The following RNF180 variants were observed in gnomAD, a reference collection of about 807,000 sequenced individuals.
The protein encoded by RNF180 is ring finger protein 180, also known as E3 ubiquitin-protein ligase RNF180.
Under a neutral mutation model 59.2 loss-of-function variants are expected in RNF180, and 38 were observed. That is an observed-to-expected ratio of 0.64 (90% confidence interval 0.50 to 0.84). RNF180 has a LOEUF of 0.84. RNF180 is among the 40% of genes least tolerant of loss of function. The probability of loss-of-function intolerance (pLI) is 0.00; values close to 1 mark genes in which losing one functional copy is unlikely to be tolerated. For missense variants in RNF180, 705 were observed against 700.9 expected, an observed-to-expected ratio of 1.01 and a Z score of -0.07; for synonymous variants, 262 against 240.3, an observed-to-expected ratio of 1.09 and a Z score of -0.84.
At chr5:64,301,717 G>A (rs1446788301) in intron 5 of RNF180, among the ~76,000 whole-genome samples, 1 of 151,602 alleles carries the variant, frequency 6.6e-6, no homozygotes. Context: ...GTGTGTGTGT[G>A]TGTGTGTATA....
intron 6 of RNF180, among the ~76,000 whole-genome samples, chr5:64,326,090 C>T (rs919257775): frequency 1.3e-5 from 2 of 151,974 alleles, no homozygotes; most frequent in East Asian, 1.9e-4. Flanking sequence ...TCCTCTCAGC[C>T]ATAAAGGAGC....
intron 5 of RNF180, among the ~76,000 whole-genome samples, chr5:64,314,809 G>C (rs981320223): frequency 1.3e-5 from 2 of 152,046 alleles, no homozygotes; most frequent in Non-Finnish European, 2.9e-5. Flanking sequence ...ACTTGTTTTA[G>C]TTGAATTATG....
intron 5 of RNF180, among the ~76,000 whole-genome samples, chr5:64,235,081 A>G (rs1027831412): frequency 6.6e-6 from 1 of 152,198 alleles, no homozygotes; most frequent in African/African-American, 2.4e-5. Flanking sequence ...GTTTGAGACC[A>G]GCCCTGGCCA....
intron 7 of RNF180, among the ~76,000 whole-genome samples, chr5:64,346,039 A>G (rs1745539845): frequency 6.6e-6 from 1 of 152,140 alleles, no homozygotes; most frequent in African/African-American, 2.4e-5. Flanking sequence ...TTTCAAATCA[A>G]TCAAATGAGC....
chr5:64,251,622 T>C (rs1486807808), intron 5 of RNF180, among the ~76,000 whole-genome samples: 1 of 152,070 alleles, frequency 6.6e-6, no homozygotes, highest in African/African-American at 2.4e-5. Context: ...AGGCATAGGA[T>C]ACTGTGTTAC....
intron 7 of RNF180, among the ~76,000 whole-genome samples, chr5:64,353,005 C>G (rs1239429485): frequency 6.6e-6 from 1 of 151,770 alleles, no homozygotes; most frequent in Non-Finnish European, 1.5e-5. Context: ...GTCTGTTCCA[C>G]AACCTAAATA....
intron 5 of RNF180, among the ~76,000 whole-genome samples, chr5:64,249,493 G>A (rs1051484686): frequency 2.0e-5 from 3 of 152,078 alleles, no homozygotes; most frequent in African/African-American, 4.8e-5. Context: ...GAGAGAGGAG[G>A]CTTTCCCAGA....
chr5:64,257,377 A>T (rs571853179), intron 5 of RNF180, among the ~76,000 whole-genome samples: 3 of 152,214 alleles, frequency 2.0e-5, no homozygotes, highest in East Asian at 1.9e-4. Context: ...GATATGTTCC[A>T]TCAATACATA....
intron 7 of RNF180, among the ~76,000 whole-genome samples, chr5:64,340,450 G>A (rs1745313050): frequency 1.3e-5 from 2 of 152,282 alleles, no homozygotes; most frequent in Non-Finnish European, 2.9e-5. Flanking sequence ...GTTTAAACAT[G>A]CTCAGTATAA....
chr5:64,291,008 C>T (rs1170407019), intron 5 of RNF180, among the ~76,000 whole-genome samples: 4 of 152,186 alleles, frequency 2.6e-5, no homozygotes, highest in Non-Finnish European at 5.9e-5. Flanking sequence ...CCTTCAGGAG[C>T]TCTTGCAAGG....
intron 7 of RNF180, among the ~76,000 whole-genome samples, chr5:64,353,950 C>T (rs1016726473): frequency 6.6e-6 from 1 of 150,984 alleles, no homozygotes; most frequent in Admixed American, 6.6e-5. Flanking sequence ...TATGGCATAC[C>T]GAAAATTTAC....
At chr5:64,244,336 G>T (rs1743014319) in intron 5 of RNF180, among the ~76,000 whole-genome samples, 1 of 151,668 alleles carries the variant, frequency 6.6e-6, no homozygotes, top group African/African-American at 2.4e-5. Context: ...AGGAAGCTAA[G>T]AACCTTGAAA....
At chr5:64,255,223 C>CT (rs1743862426) in intron 5 of RNF180, among the ~76,000 whole-genome samples, 1 of 152,034 alleles carries the variant, frequency 6.6e-6, no homozygotes, top group Admixed American at 6.6e-5. Context: ...TATTATTATA[C>CT]TTTAAGTTCT....
chr5:64,290,982 T>C (rs1262594577), intron 5 of RNF180, among the ~76,000 whole-genome samples: 1 of 152,246 alleles, frequency 6.6e-6, no homozygotes, highest in Non-Finnish European at 1.5e-5. Flanking sequence ...AGTTTTTCTT[T>C]CCACATTTAG....
chr5:64,219,293 C>T (rs1212469498), intron 5 of RNF180, among the ~76,000 whole-genome samples: 2 of 151,890 alleles, frequency 1.3e-5, no homozygotes, highest in Admixed American at 1.3e-4. Context: ...TCTTGCATTC[C>T]CGCCATAAAC....
At chr5:64,340,439 A>T (rs2112562101) in intron 7 of RNF180, among the ~76,000 whole-genome samples, 1 of 152,320 alleles carries the variant, frequency 6.6e-6, no homozygotes, top group Admixed American at 6.5e-5. Flanking sequence ...TGGTGCTGCA[A>T]GTTTAAACAT....
chr5:64,195,894 A>C (rs181615747), intron 1 of RNF180, among the ~76,000 whole-genome samples: 2 of 152,312 alleles, frequency 1.3e-5, no homozygotes, highest in African/African-American at 4.8e-5. Flanking sequence ...GGCACCATTA[A>C]GACATGCCAA....
chr5:64,307,163 T>C (rs958021109), intron 5 of RNF180, among the ~76,000 whole-genome samples: 1 of 150,062 alleles, frequency 6.7e-6, no homozygotes, highest in African/African-American at 2.4e-5. Context: ...TAACCAATTA[T>C]GGCTCTTTCC....
intron 5 of RNF180, among the ~76,000 whole-genome samples, chr5:64,252,568 AAAAG>A (rs1309157407): frequency 6.6e-6 from 1 of 152,090 alleles, no homozygotes; most frequent in East Asian, 1.9e-4. Flanking sequence ...TTGTCAATTA[AAAAG>A]AAACCAGAGC....
Sources: gnomAD v4.1 joint callset for allele counts (sites outside exome capture counted in the v4.1 genomes callset) on GRCh38, gnomAD v4.1.1 for gene constraint, MANE v1.5 for transcripts, NCBI Gene and HGNC (gene_info 2026-07-23, HGNC 2026-07-21) for gene names.